The following SOBP variants were observed in gnomAD, a reference collection of about 807,000 sequenced individuals.
SOBP encodes sine oculis-binding protein homolog.
SOBP carries 4 observed loss-of-function variants against 53.6 expected under a neutral mutation model. The observed-to-expected ratio is 0.07, with a 90% confidence interval of 0.04 to 0.17. The LOEUF is 0.17. Ranked by LOEUF, SOBP falls within the 10% of genes least tolerant of loss-of-function variation. SOBP has a pLI of 1.00. For synonymous variants in SOBP, 584 were observed against 522.6 expected (o/e 1.12, Z -1.60); for missense variants, 1,088 against 1,204.7 (o/e 0.90, Z 1.43).
chr6:107,532,317 A>G (rs1387668219), intron 3 of SOBP, among the ~76,000 whole-genome samples: 1 of 151,826 alleles, frequency 6.6e-6, no homozygotes, highest in Non-Finnish European at 1.5e-5. Flanking sequence ...AGGACAGAGA[A>G]AACTCAAGAT....
intron 6 of SOBP, among the ~76,000 whole-genome samples, chr6:107,657,250 G>A (rs1326377777): frequency 2.6e-5 from 4 of 152,222 alleles, no homozygotes; most frequent in Admixed American, 6.5e-5. Context: ...AAGGCTGCAG[G>A]TATCAAGAGG....
chr6:107,649,476 CAA>C (rs113367905), intron 6 of SOBP, among the ~76,000 whole-genome samples: 2 of 139,946 alleles, frequency 1.4e-5, no homozygotes, highest in Non-Finnish European at 3.1e-5. Flanking sequence ...GACCCTGTCT[CAA>C]AAAAAAAAAG....
At chr6:107,619,152 G>A (rs1439692143) in intron 5 of SOBP, among the ~76,000 whole-genome samples, 2 of 152,164 alleles carry the variant, frequency 1.3e-5, no homozygotes, top group Non-Finnish European at 2.9e-5. Context: ...CCCTTATCAT[G>A]TGCAGGATGG....
At position 107,494,155 on chromosome 6, in the gene SOBP, T is replaced by G. The variant is rs151333385; in HGVS notation, c.96+3443T>G. Reference sequence around the variant, plus strand: ...TGTACCAATGTACTTACAATTAGTCTGCCTTATTTAATTAGTGGCTAGTAG... The same window carrying G: ...TGTACCAATGTACTTACAATTAGTCGGCCTTATTTAATTAGTGGCTAGTAG... On this transcript the variant is annotated intron_variant, in intron 1 of 6. Transcript: ENST00000317357. Among the ~76,000 whole-genome samples, 1,310 of 152,346 alleles carry G rather than the reference T, an allele frequency of 8.6e-3. 18 individuals are homozygous for G. The highest frequency in any genetic ancestry group is 9.6e-3 in the Non-Finnish European group (656 of 68,022).
rs764866265 is a variant in SOBP at position 107,634,245 on chromosome 6, C to A, written c.1401C>A (p.Thr467=). 1 of 1,579,330 alleles carries A rather than the reference C, an allele frequency of 6.3e-7. No homozygotes were observed. The highest frequency in any genetic ancestry group is 8.6e-7 in the Non-Finnish European group (1 of 1,167,940). ...ACATCCACCCCCCGAGCACCCCCACCATGCCCGGGAACCCCCCAGGCCTGC... is the reference window on the plus strand; with the variant it reads ...ACATCCACCCCCCGAGCACCCCCACAATGCCCGGGAACCCCCCAGGCCTGC... ...SPHIHPPSTP[T]MPGNPPGLLP... Residue 467 remains threonine (T), a synonymous_variant, in exon 6 of 7, where the codon ACC becomes ACA. Coordinates refer to ENST00000317357, the MANE Select transcript of SOBP (RefSeq NM_018013.4). This position sits in a 1 kb window ranked among gnomAD's most constrained non-coding sequence, Gnocchi z 4.5.
intron 4 of SOBP, among the ~76,000 whole-genome samples, chr6:107,545,259 T>C (rs75128584): frequency 0.019 from 2,848 of 152,304 alleles, 45 homozygotes; most frequent in East Asian, 0.054. Context: ...TTTTGTTATA[T>C]ATAGAGAGAA....
Position 107,635,581 on chromosome 6 carries a change from T to C in SOBP, c.*3+112T>C. On this transcript the variant is annotated intron_variant, in intron 6 of 6. Coordinates refer to ENST00000317357, the MANE Select transcript of SOBP (RefSeq NM_018013.4). This position sits in a 1 kb window ranked among gnomAD's most constrained non-coding sequence, Gnocchi z 4.5. ...AGTCATGATTTTACCGTGTGTGTTT[T>C]ATATTGCACACGGTGTGGTCACGCT... 1 of 1,428,022 alleles carries C rather than the reference T, an allele frequency of 7.0e-7. No homozygotes were observed. The highest frequency in any genetic ancestry group is 9.7e-7 in the Non-Finnish European group (1 of 1,031,140). 88.5% of individuals were successfully genotyped at this position (1,428,022 alleles called of 1,614,324 possible). A position where few individuals can be genotyped will look rare whatever the true frequency, so the allele number is the denominator to read the frequency against.
intron 4 of SOBP, among the ~76,000 whole-genome samples, chr6:107,575,970 C>T (rs9486648): frequency 0.052 from 7,904 of 152,230 alleles, 652 homozygotes; most frequent in African/African-American, 0.18. Context: ...CAGAGAGTGT[C>T]GTTGGAGCAG....
chr6:107,503,868 T>G lies in SOBP; in HGVS notation c.235+73T>G, dbSNP rs115335359. 1.3e-3 allele frequency: 1,976 copies of G among 1,559,398 alleles called. 14 individuals carry two copies. The African/African-American group carries it at 0.024, about 19-fold the overall frequency. ...TCTCAACCTGCCAGAATTGAGTTGC[T>G]TTGGGACTCAATTGAGTTGCTTTGT... is the stretch of plus-strand genomic sequence containing the variant. On this transcript the variant is annotated intron_variant, in intron 2 of 6. Transcript: ENST00000317357.
chr6:107,647,907 A>G (rs1363903317), intron 6 of SOBP, among the ~76,000 whole-genome samples: 1 of 152,178 alleles, frequency 6.6e-6, no homozygotes, highest in Non-Finnish European at 1.5e-5. Flanking sequence ...AAAGGGTTGC[A>G]GGAAAGCAGT....
chr6:107,639,563 C>G (rs980196997), intron 6 of SOBP, among the ~76,000 whole-genome samples: 2 of 152,130 alleles, frequency 1.3e-5, no homozygotes, highest in Non-Finnish European at 2.9e-5. Context: ...AATATCCCCC[C>G]GAATAATAAG....
intron 5 of SOBP, among the ~76,000 whole-genome samples, chr6:107,607,058 C>T (rs1027173081): frequency 1.3e-5 from 2 of 152,142 alleles, no homozygotes; most frequent in African/African-American, 4.8e-5. Flanking sequence ...GAGCATTTGA[C>T]CTTAAGTCCA....
At chr6:107,561,201 CTT>C (rs1256283521) in intron 4 of SOBP, among the ~76,000 whole-genome samples, 2 of 152,022 alleles carry the variant, frequency 1.3e-5, no homozygotes, top group Non-Finnish European at 2.9e-5. Context: ...TTCTTAATGT[CTT>C]GAGACATTTC....
rs1205382597 is a variant in SOBP, at chr6:107,635,332, C to T, written c.2488C>T (p.Pro830Ser). The change falls in exon 6 of 7, where the codon CCT becomes TCT. Residue 830 changes from proline (P) to serine (S), a missense_variant. Coordinates refer to ENST00000317357, the MANE Select transcript of SOBP (RefSeq NM_018013.4). The surrounding 1 kb of genome is among the most constrained non-coding windows in gnomAD (Gnocchi z 4.5). ...MLPKTGCVIQ[P>S]VPKPAEKAAM... ...GCCCAAGACCGGCTGCGTGATCCAG[C>T]CTGTGCCAAAACCCGCGGAGAAGGC... 3 of 1,613,710 alleles carry T rather than the reference C, an allele frequency of 1.9e-6. No homozygotes were observed. Among genetic ancestry groups the T allele is most frequent in the Non-Finnish European group, 2.5e-6 (3 of 1,180,026 alleles).
intron 4 of SOBP, among the ~76,000 whole-genome samples, chr6:107,546,983 G>C (rs1784318723): frequency 6.6e-6 from 1 of 152,152 alleles, no homozygotes; most frequent in Non-Finnish European, 1.5e-5. Context: ...GAAATTAATA[G>C]TGTACCATCC....
chr6:107,557,675 T>TA (rs541998716), intron 4 of SOBP, among the ~76,000 whole-genome samples: 2 of 152,098 alleles, frequency 1.3e-5, no homozygotes, highest in Non-Finnish European at 2.9e-5. Flanking sequence ...GTGTAGATGA[T>TA]ACTTGGTTAT....
chr6:107,544,642 G>A (rs1354564845), intron 4 of SOBP, among the ~76,000 whole-genome samples: 1 of 152,192 alleles, frequency 6.6e-6, no homozygotes, highest in Non-Finnish European at 1.5e-5. Context: ...AGCTTATTGG[G>A]CTGAGGACAC....
At chr6:107,569,877 G>A (rs73762264) in intron 4 of SOBP, among the ~76,000 whole-genome samples, 1,693 of 152,266 alleles carry the variant, frequency 0.011, 31 homozygotes, top group African/African-American at 0.038. Flanking sequence ...TTCTGCAGCC[G>A]CCTGCATTCT....
intron 6 of SOBP, among the ~76,000 whole-genome samples, chr6:107,647,783 C>G (rs1389160630): frequency 6.6e-6 from 1 of 152,062 alleles, no homozygotes; most frequent in Non-Finnish European, 1.5e-5. Flanking sequence ...GTTACATGCC[C>G]TGTGCCAAGC....
Sources: allele counts gnomAD v4.1 joint callset (sites outside exome capture counted in the v4.1 genomes callset), GRCh38; gene constraint gnomAD v4.1.1; non-coding constraint Gnocchi (gnomAD v3.1); transcripts MANE v1.5; gene names NCBI Gene and HGNC (gene_info 2026-07-23, HGNC 2026-07-21).